CDH11: variants seen among roughly 807,000 people sequenced by gnomAD.
CDH11 encodes the protein cadherin-11.
A neutral mutation model predicts 67.8 loss-of-function variants in CDH11; 11 were observed. That is an observed-to-expected ratio of 0.16 (90% CI 0.10 to 0.27). The LOEUF (loss-of-function observed/expected upper bound fraction) is 0.27, where lower values mean the gene tolerates loss of function less well. CDH11 is among the 10% of genes least tolerant of loss of function. The pLI is 1.00. For synonymous variants in CDH11, 419 were observed against 400.0 expected, an observed-to-expected ratio of 1.05 and a Z score of -0.57; for missense variants, 847 against 1,031.2, an observed-to-expected ratio of 0.82 and a Z score of 2.45.
At chr16:65,021,709 T>C (rs2142579664) in intron 2 of CDH11, among the ~76,000 whole-genome samples, 1 of 151,118 alleles carries the variant, frequency 6.6e-6, no homozygotes, top group East Asian at 1.9e-4. Flanking sequence ...CACCTCTGGC[T>C]TTTAAGCTAC....
intron 2 of CDH11, among the ~76,000 whole-genome samples, chr16:65,015,673 T>C (rs1183920525): frequency 2.0e-5 from 3 of 152,192 alleles, no homozygotes; most frequent in African/African-American, 7.2e-5. Context: ...GAGAGAGCTC[T>C]TTAAAGATTT....
chr16:65,020,514 AG>A (rs1301758863), intron 2 of CDH11, among the ~76,000 whole-genome samples: 1 of 152,120 alleles, frequency 6.6e-6, no homozygotes, highest in African/African-American at 2.4e-5. Flanking sequence ...TATTTTTAAT[AG>A]ATATGGGGTT....
At chr16:65,103,929 A>G (rs918620259) in intron 1 of CDH11, among the ~76,000 whole-genome samples, 4 of 152,192 alleles carry the variant, frequency 2.6e-5, no homozygotes, top group African/African-American at 7.2e-5. Context: ...TTATTAAAAT[A>G]AATATTCCCT....
chr16:65,062,962 C>A (rs1036624483), intron 1 of CDH11, among the ~76,000 whole-genome samples: 7 of 152,196 alleles, frequency 4.6e-5, no homozygotes, highest in African/African-American at 1.7e-4. Flanking sequence ...CCTCATCACA[C>A]CTCATTAAAT....
In CDH11 at chr16:64,947,162, A is replaced by G; in HGVS notation, c.*441T>C. 1.9e-6 allele frequency: 2 copies of G among 1,048,172 alleles called. No homozygotes were observed. The highest frequency in any genetic ancestry group is 2.3e-6 in the Non-Finnish European group (2 of 866,734). The allele number at this position is 1,048,172 out of a possible 1,614,324, so 64.9% of individuals were successfully genotyped here. A position where few individuals can be genotyped will look rare whatever the true frequency, so the allele number is the denominator to read the frequency against. Reference sequence around the variant, plus strand: ...GCTGAATATTATATATTTCAAGTTTAAAAATGCACTACATATAGAGTGTCC... The same window carrying G: ...GCTGAATATTATATATTTCAAGTTTGAAAATGCACTACATATAGAGTGTCC... On this transcript the variant is annotated 3_prime_UTR_variant, in exon 13 of 13. Coordinates refer to ENST00000268603, the MANE Select transcript of CDH11 (RefSeq NM_001797.4).
At chr16:65,068,573 C>A (rs1016588521) in intron 1 of CDH11, among the ~76,000 whole-genome samples, 2 of 152,130 alleles carry the variant, frequency 1.3e-5, no homozygotes, top group African/African-American at 4.8e-5. Flanking sequence ...AGCTTCTCTT[C>A]GAAGTCAGCT....
intron 4 of CDH11, among the ~76,000 whole-genome samples, chr16:64,996,878 T>C (rs1313203133): frequency 6.6e-6 from 1 of 152,180 alleles, no homozygotes; most frequent in African/African-American, 2.4e-5. Context: ...AACACAGGAT[T>C]ACTAGAGTGG....
rs1051337752 is a variant in CDH11, at chr16:65,030,057, T to A, written c.-173+23747A>T. On this transcript the variant is annotated intron_variant, in intron 2 of 12. Transcript: ENST00000268603. ...TTGTGCTGAAGTAGAAAATCTTTTATCCTAATCATAAGACCTTAGGAATGG... is the reference window on the plus strand; with the variant it reads ...TTGTGCTGAAGTAGAAAATCTTTTAACCTAATCATAAGACCTTAGGAATGG... Among the ~76,000 whole-genome samples, 5 of 152,332 alleles carry A rather than the reference T, an allele frequency of 3.3e-5. No individual in the cohort carries two copies. The East Asian group carries it at 9.6e-4, about 29-fold the overall frequency.
chr16:65,019,938 CA>C (rs36061093), intron 2 of CDH11, among the ~76,000 whole-genome samples: 1 of 151,748 alleles, frequency 6.6e-6, no homozygotes, highest in Admixed American at 6.6e-5. Context: ...AATCTTTTAC[CA>C]AAAACACATT....
At chr16:65,040,303 C>T (rs2073841117) in intron 2 of CDH11, among the ~76,000 whole-genome samples, 1 of 152,142 alleles carries the variant, frequency 6.6e-6, no homozygotes, top group South Asian at 2.1e-4. Flanking sequence ...TTGGAACCAA[C>T]CCAAATGTCC....
chr16:64,996,570 C>G (rs1040253211), intron 4 of CDH11, among the ~76,000 whole-genome samples: 1 of 151,724 alleles, frequency 6.6e-6, no homozygotes, highest in African/African-American at 2.4e-5. Context: ...ATAAATCGTT[C>G]TACAAGAAAA....
At position 65,052,321 on chromosome 16, in the gene CDH11, T is replaced by C. The variant is rs137925477; in HGVS notation, c.-173+1483A>G. Among the ~76,000 whole-genome samples the C allele has an allele frequency of 1.4e-3, 212 of 152,276 alleles. 2 individuals are homozygous for C. The highest frequency in any genetic ancestry group is 4.5e-3 in the African/African-American group (189 of 41,560). On this transcript the variant is annotated intron_variant, in intron 2 of 12. Transcript: ENST00000268603. ...AACTAAAAAGGCAATTACAGTCCAATGTAGAAATCACAGTAAATGGTGTAA... is the reference window on the plus strand; with the variant it reads ...AACTAAAAAGGCAATTACAGTCCAACGTAGAAATCACAGTAAATGGTGTAA...
chr16:65,107,500 G>A (rs58833221), intron 1 of CDH11, among the ~76,000 whole-genome samples: 19,620 of 152,158 alleles, frequency 0.13, 1,405 homozygotes, highest in East Asian at 0.22. Flanking sequence ...GAATTTCCCT[G>A]TTTAAACTTT....
At chr16:64,996,259 G>A (rs1478297944) in intron 4 of CDH11, among the ~76,000 whole-genome samples, 1 of 152,146 alleles carries the variant, frequency 6.6e-6, no homozygotes, top group African/African-American at 2.4e-5. Context: ...GGAGGACGAG[G>A]TGAGCAGATC....
chr16:65,116,257 G>A (rs1417379505), intron 1 of CDH11, among the ~76,000 whole-genome samples: 2 of 152,176 alleles, frequency 1.3e-5, no homozygotes, highest in Non-Finnish European at 2.9e-5. Context: ...GAAGAATAAA[G>A]ATGCATCGAT....
At position 64,992,897 on chromosome 16, in the gene CDH11, A is replaced by G. The variant is rs375432956; in HGVS notation, c.643+18T>C. 168 of 1,610,910 alleles carry G rather than the reference A, an allele frequency of 1.0e-4. No homozygotes were observed. In the African/African-American group the frequency reaches 2.0e-3, roughly 19 times the overall value. On this transcript the variant is annotated intron_variant, in intron 5 of 12. Transcript: ENST00000268603. ...TTATTCACCATGTGTCACAAATCAC[A>G]GTGACATTCCACAGTACCTGTCTGT...
intron 1 of CDH11, among the ~76,000 whole-genome samples, chr16:65,108,042 A>C (rs149523226): frequency 2.6e-5 from 4 of 152,328 alleles, no homozygotes; most frequent in African/African-American, 7.2e-5. Flanking sequence ...CCCCAATCAC[A>C]AGAAATGAGA....
intron 1 of CDH11, among the ~76,000 whole-genome samples, chr16:65,083,359 T>C (rs968226525): frequency 5.3e-5 from 8 of 152,230 alleles, no homozygotes; most frequent in African/African-American, 1.7e-4. Flanking sequence ...CACATTATTA[T>C]GCCTGACATG....
At chr16:65,005,251 A>G (rs1305931488) in intron 2 of CDH11, among the ~76,000 whole-genome samples, 1 of 152,212 alleles carries the variant, frequency 6.6e-6, no homozygotes. Context: ...GGATTCACTG[A>G]GTAATGCATA....
Sources: gnomAD v4.1 joint callset for allele counts (sites outside exome capture counted in the v4.1 genomes callset) on GRCh38, gnomAD v4.1.1 for gene constraint, MANE v1.5 for transcripts, NCBI Gene and HGNC (gene_info 2026-07-23, HGNC 2026-07-21) for gene names.